The following ANAPC1 variants were observed in gnomAD, a reference collection of about 807,000 sequenced individuals.
ANAPC1 encodes anaphase-promoting complex subunit 1.
A neutral mutation model predicts 208.0 loss-of-function variants in ANAPC1; 36 were observed. The ratio of observed to expected loss-of-function variants is 0.17; its 90% CI spans 0.13 to 0.23. ANAPC1 has a LOEUF of 0.23. ANAPC1 is among the 10% of genes least tolerant of loss of function. The pLI, the probability that ANAPC1 is intolerant of heterozygous loss-of-function variation, is 1.00. For synonymous variants in ANAPC1, 378 were observed against 695.2 expected, an observed-to-expected ratio of 0.54 and a Z score of 7.18; for missense variants, 942 against 2,011.6, an observed-to-expected ratio of 0.47 and a Z score of 10.17.
At chr2:111,839,698 C>T (rs1307256748) in intron 17 of ANAPC1, among the ~76,000 whole-genome samples, 3 of 152,122 alleles carry the variant, frequency 2.0e-5, no homozygotes, top group African/African-American at 7.2e-5. Flanking sequence ...GAAATCAAAG[C>T]AACAAATATA....
intron 43 of ANAPC1, among the ~76,000 whole-genome samples, chr2:111,781,874 C>A (rs1677299994): frequency 6.6e-6 from 1 of 152,414 alleles, no homozygotes; most frequent in South Asian, 2.1e-4. Context: ...CACTACTGCA[C>A]TGGCAGTCGA....
chr2:111,820,014 A>G (rs1481864360), intron 26 of ANAPC1, among the ~76,000 whole-genome samples: 3 of 149,270 alleles, frequency 2.0e-5, no homozygotes, highest in South Asian at 2.1e-4. Context: ...TAACAAAATT[A>G]TAATGAGAAC....
chr2:111,819,998 C>T (rs529130399), intron 26 of ANAPC1, among the ~76,000 whole-genome samples: 13 of 152,114 alleles, frequency 8.5e-5, no homozygotes, highest in South Asian at 8.3e-4. Context: ...TTCAACTTTG[C>T]GCAAGTAACA....
In ANAPC1 at chr2:111,831,420, T is replaced by A. The variant is rs765181720; in HGVS notation, c.2491A>T (p.Met831Leu). Reference protein sequence around the residue: ...CTIDPGQTGFMHHPSFFTSEP... With the variant: ...CTIDPGQTGFLHHPSFFTSEP... ...GACGTAAAAAATGATGGATGATGCA[T>A]AAATCCTGTTTGACCTTTAAAATTA... Residue 831 changes from methionine (M) to leucine (L), a missense_variant, in exon 21 of 48, where the codon ATG (methionine) becomes TTG (leucine). Coordinates refer to ENST00000341068, the MANE Select transcript of ANAPC1 (RefSeq NM_022662.4). 1.9e-6 allele frequency: 3 copies of A among 1,602,514 alleles called. No individual in the cohort carries two copies. In the African/African-American group the frequency reaches 4.0e-5, roughly 22 times the overall value.
rs184906900 is a variant in ANAPC1, at chr2:111,842,504, G to A, written c.2040+908C>T. Among the ~76,000 whole-genome samples the A allele has an allele frequency of 7.6e-4, 116 of 152,152 alleles. No homozygotes were observed. The East Asian group carries it at 0.015, about 19-fold the overall frequency. ...TAAAAATACAAAAAATCAGCCAGGCGTGGTGGCGGGCGCCTGTAGTCCTGG... is the reference window on the plus strand; with the variant it reads ...TAAAAATACAAAAAATCAGCCAGGCATGGTGGCGGGCGCCTGTAGTCCTGG... On this transcript the variant is annotated intron_variant, in intron 17 of 47. Transcript: ENST00000341068.
intron 6 of ANAPC1, among the ~76,000 whole-genome samples, chr2:111,868,721 C>T (rs1260477849): frequency 7.2e-5 from 11 of 152,056 alleles, no homozygotes; most frequent in South Asian, 4.1e-4. Flanking sequence ...TTAGTAGAGA[C>T]GGGGTTTCAC....
chr2:111,850,437 T>G (rs941936460), intron 14 of ANAPC1, among the ~76,000 whole-genome samples: 2 of 152,200 alleles, frequency 1.3e-5, no homozygotes, highest in African/African-American at 4.8e-5. Flanking sequence ...GGATGTTATC[T>G]TCCCATCAGT....
At position 111,854,073 on chromosome 2, in the gene ANAPC1, C is replaced by T. The variant is rs1317499322; in HGVS notation, c.1515+2541G>A. On this transcript the variant is annotated intron_variant, in intron 13 of 47. Coordinates refer to ENST00000341068, the MANE Select transcript of ANAPC1 (RefSeq NM_022662.4). Reference sequence around the variant, plus strand: ...TCAGAGGAATCACTATCTATGGCAGCTCCAGTTAAGTAATGTATTTCATAG... The same window carrying T: ...TCAGAGGAATCACTATCTATGGCAGTTCCAGTTAAGTAATGTATTTCATAG... Among the ~76,000 whole-genome samples, 2 of 152,080 alleles carry T rather than the reference C, an allele frequency of 1.3e-5. 1 individual carries two copies. The highest frequency in any genetic ancestry group is 3.9e-4 in the East Asian group (2 of 5,192).
At chr2:111,772,048 G>C (rs890519091) in intron 47 of ANAPC1, among the ~76,000 whole-genome samples, 4 of 146,944 alleles carry the variant, frequency 2.7e-5, no homozygotes, top group African/African-American at 1.0e-4. Flanking sequence ...AAGAAAAATA[G>C]CTTTAATAAA....
chr2:111,836,963 G>A (rs1255228849), intron 18 of ANAPC1, among the ~76,000 whole-genome samples: 2 of 106,218 alleles, frequency 1.9e-5, no homozygotes, highest in Non-Finnish European at 4.2e-5. Flanking sequence ...GCAAGACTCC[G>A]TCTCAAAAAA....
At chr2:111,878,491 A>T (rs1352865284) in intron 3 of ANAPC1, among the ~76,000 whole-genome samples, 1 of 152,208 alleles carries the variant, frequency 6.6e-6, no homozygotes, top group East Asian at 1.9e-4. Flanking sequence ...TATAGTAATC[A>T]TGTGTTAAAA....
At chr2:111,857,173 T>C (rs1412921900) in intron 11 of ANAPC1, 6 of 369,476 alleles carry the variant, frequency 1.6e-5, no homozygotes, top group South Asian at 9.2e-5. Flanking sequence ...AAAAACTGCA[T>C]AGAACCATAC....
intron 3 of ANAPC1, 140 bp from the exon 4 acceptor site, chr2:111,873,804 A>T: frequency 7.2e-6 from 5 of 691,538 alleles, no homozygotes; most frequent in Non-Finnish European, 1.1e-5. Context: ...ATGGGAACAA[A>T]AAGAATAAGA....
At position 111,792,619 on chromosome 2, in the gene ANAPC1, G is replaced by C. The variant is rs933983470; in HGVS notation, c.4519-64C>G. 3.4e-6 allele frequency: 5 copies of C among 1,488,886 alleles called. No homozygotes were observed. The African/African-American group carries it at 7.1e-5, about 21-fold the overall frequency. 92.2% of individuals were successfully genotyped at this position (1,488,886 alleles called of 1,614,324 possible). ...TTACATTTCTTTATTATCAGAACTA[G>C]CTTAGCCATCATTAGAAGACTACAA... On this transcript the variant is annotated intron_variant, in intron 37 of 47. Coordinates refer to ENST00000341068, the MANE Select transcript of ANAPC1 (RefSeq NM_022662.4).
At chr2:111,828,140 AAAG>A (rs1482108796) in intron 21 of ANAPC1, among the ~76,000 whole-genome samples, 1 of 152,218 alleles carries the variant, frequency 6.6e-6, no homozygotes, top group African/African-American at 2.4e-5. Flanking sequence ...ATCTTTCTTC[AAAG>A]AAGATACGTA....
At chr2:111,836,926 C>T (rs1276449931) in intron 18 of ANAPC1, among the ~76,000 whole-genome samples, 1 of 151,366 alleles carries the variant, frequency 6.6e-6, no homozygotes, top group Admixed American at 6.6e-5. Context: ...CAAGATCGTG[C>T]CACTGCACTC....
At chr2:111,839,094 C>A (rs1680626583) in intron 17 of ANAPC1, among the ~76,000 whole-genome samples, 1 of 152,166 alleles carries the variant, frequency 6.6e-6, no homozygotes, top group African/African-American at 2.4e-5. Context: ...TCACTGTCAT[C>A]ACTTCCAGGA....
chr2:111,851,675 G>A (rs1681406058), intron 13 of ANAPC1, among the ~76,000 whole-genome samples: 2 of 152,034 alleles, frequency 1.3e-5, no homozygotes, highest in South Asian at 2.1e-4. Context: ...GCCGGGCGTG[G>A]TGGCGGGCGC....
intron 8 of ANAPC1, among the ~76,000 whole-genome samples, chr2:111,864,369 GA>G (rs1682272813): frequency 1.0e-5 from 1 of 98,556 alleles, no homozygotes; most frequent in Non-Finnish European, 2.0e-5. Flanking sequence ...TGATGATGAT[GA>G]TGATAATAAA....
Sources: gnomAD v4.1 joint callset for allele counts (sites outside exome capture counted in the v4.1 genomes callset) on GRCh38, gnomAD v4.1.1 for gene constraint, MANE v1.5 for transcripts, NCBI Gene and HGNC (gene_info 2026-07-23, HGNC 2026-07-21) for gene names.